Variants in CLASP1 observed in about 807,000 individuals in gnomAD.
The protein encoded by CLASP1 is CLIP-associating protein 1.
Under a neutral mutation model 192.3 loss-of-function variants are expected in CLASP1, and 38 were observed. That is an observed-to-expected ratio of 0.20 (90% CI 0.15 to 0.26). The LOEUF (loss-of-function observed/expected upper bound fraction) is 0.26. Among genes scored for constraint, CLASP1 ranks in the 10% least tolerant of loss-of-function variants. The pLI is 1.00. For synonymous variants in CLASP1, 691 were observed against 712.8 expected, an observed-to-expected ratio of 0.97 and a Z score of 0.49; for missense variants, 1,433 against 1,932.5, an observed-to-expected ratio of 0.74 and a Z score of 4.85.
chr2:121,592,474 A>T lies in CLASP1; in HGVS notation c.195+13227T>A, dbSNP rs1288408921. On this transcript the variant is annotated intron_variant, in intron 2 of 39. Coordinates refer to ENST00000263710, the Ensembl canonical transcript of CLASP1. ...TTCAAAGCAGTTCCTTTTTGTGATA[A>T]CTATCAAAATATTCTATTTTGATAG... 2.6e-5 allele frequency among the ~76,000 whole-genome samples: 4 copies of T among 152,206 alleles called. No individual in the cohort carries two copies. In the South Asian group the frequency reaches 8.3e-4, roughly 31 times the overall value.
At chr2:121,480,761 G>C (rs2092533528) in intron 8 of CLASP1, among the ~76,000 whole-genome samples, 1 of 152,126 alleles carries the variant, frequency 6.6e-6, no homozygotes, top group South Asian at 2.1e-4. Flanking sequence ...ACCTTTGTTT[G>C]CCTCAGTGGA....
At chr2:121,489,440 CAAAT>C (rs888705327) in intron 8 of CLASP1, among the ~76,000 whole-genome samples, 1 of 152,170 alleles carries the variant, frequency 6.6e-6, no homozygotes, top group Non-Finnish European at 1.5e-5. Context: ...CAGCAGGAGA[CAAAT>C]AAACACTTGT....
chr2:121,580,764 C>G (rs1160475838), intron 2 of CLASP1, among the ~76,000 whole-genome samples: 1 of 152,188 alleles, frequency 6.6e-6, no homozygotes, highest in Admixed American at 6.5e-5. Context: ...CAATCATGCA[C>G]ATATTTTTTT....
intron 32 of CLASP1, among the ~76,000 whole-genome samples, chr2:121,386,064 G>A (rs2073115839): frequency 6.6e-6 from 1 of 152,092 alleles, no homozygotes; most frequent in Non-Finnish European, 1.5e-5. Flanking sequence ...TTCACCAAGA[G>A]GAAAACACAA....
intron 2 of CLASP1, among the ~76,000 whole-genome samples, chr2:121,552,578 A>G (rs1005588217): frequency 2.0e-5 from 3 of 152,238 alleles, no homozygotes; most frequent in African/African-American, 7.2e-5. Context: ...GCCAACATGT[A>G]GGCATATGAA....
intron 2 of CLASP1, among the ~76,000 whole-genome samples, chr2:121,541,621 C>T (rs77141966): frequency 0.037 from 5,633 of 152,208 alleles, 157 homozygotes; most frequent in East Asian, 0.14. Flanking sequence ...TAACTTCAAA[C>T]GTCAGCCTCG....
intron 2 of CLASP1, among the ~76,000 whole-genome samples, chr2:121,579,213 T>G (rs192501753): frequency 6.6e-6 from 1 of 152,310 alleles, no homozygotes; most frequent in East Asian, 1.9e-4. Context: ...GGCTTCTCCG[T>G]AATTTACTAT....
intron 2 of CLASP1, among the ~76,000 whole-genome samples, chr2:121,554,741 TGAGTGTTGAC>T (rs1300590874): frequency 1.3e-5 from 2 of 152,214 alleles, no homozygotes; most frequent in African/African-American, 4.8e-5. Flanking sequence ...GGGGTAGAAG[TGAGTGTTGAC>T]TGCAAATGGC....
At chr2:121,524,403 G>C (rs2094526201) in intron 6 of CLASP1, among the ~76,000 whole-genome samples, 1 of 150,888 alleles carries the variant, frequency 6.6e-6, no homozygotes, top group Admixed American at 6.6e-5. Context: ...TGAATATAAA[G>C]TATGATTAAG....
chr2:121,414,703 C>A (rs893154308), intron 23 of CLASP1, among the ~76,000 whole-genome samples: 3 of 152,194 alleles, frequency 2.0e-5, no homozygotes, highest in Admixed American at 2.0e-4. Flanking sequence ...AATAAAATCA[C>A]AGGAAGGGGG....
At position 121,472,773 on chromosome 2, in the gene CLASP1, G is replaced by T. The variant is rs1271562030; in HGVS notation, c.713-2813C>A. The stretch of plus-strand genomic sequence containing the variant: ...AATTCTTAGAGTTTACACAAGTAGG[G>T]AAGCTCCAAACAGCCAAAGTGGAAT... On this transcript the variant is annotated intron_variant, in intron 8 of 39. Coordinates refer to ENST00000263710, the Ensembl canonical transcript of CLASP1. 2.0e-5 allele frequency among the ~76,000 whole-genome samples: 3 copies of T among 152,192 alleles called. No individual in the cohort carries two copies. In the South Asian group the frequency reaches 6.2e-4, roughly 32 times the overall value.
At chr2:121,567,085 CA>C (rs2059574926) in intron 2 of CLASP1, among the ~76,000 whole-genome samples, 1 of 152,246 alleles carries the variant, frequency 6.6e-6, no homozygotes, top group South Asian at 2.1e-4. Flanking sequence ...AGGGGAATTA[CA>C]ACAGCAACTA....
At chr2:121,571,343 T>C (rs1377802323) in intron 2 of CLASP1, among the ~76,000 whole-genome samples, 1 of 151,986 alleles carries the variant, frequency 6.6e-6, no homozygotes, top group African/African-American at 2.4e-5. Flanking sequence ...GCCCAGCTAG[T>C]TTTTTGATTT....
At chr2:121,413,012 C>T (rs1354214239) in intron 23 of CLASP1, among the ~76,000 whole-genome samples, 1 of 152,182 alleles carries the variant, frequency 6.6e-6, no homozygotes, top group East Asian at 1.9e-4. Context: ...AATCCCAGCA[C>T]TCTGGGAGGC....
At chr2:121,605,572 CTGAT>C (rs2064329347) in intron 2 of CLASP1, 125 bp downstream of exon 2, 2 of 640,658 alleles carry the variant, frequency 3.1e-6, no homozygotes, top group Admixed American at 5.7e-5. Context: ...AGGCCACAAT[CTGAT>C]TGAGTGTCTT....
At chr2:121,484,784 A>G (rs77976411) in intron 8 of CLASP1, among the ~76,000 whole-genome samples, 5,633 of 152,304 alleles carry the variant, frequency 0.037, 154 homozygotes, top group East Asian at 0.14. Flanking sequence ...ACTTCAAGAA[A>G]TAACAGCCAA....
exon 30 of CLASP1, chr2:121,397,214 A>G (rs777313795): frequency 6.2e-7 from 1 of 1,613,894 alleles, no homozygotes; most frequent in South Asian, 1.1e-5. Context: ...GTCTCACTAG[A>G]GTTTACAAAA....
intron 2 of CLASP1, among the ~76,000 whole-genome samples, chr2:121,551,579 TG>T (rs1205239947): frequency 3.3e-5 from 5 of 152,126 alleles, no homozygotes; most frequent in African/African-American, 1.2e-4. Flanking sequence ...AGTCAAGTCA[TG>T]AATGAACACC....
At chr2:121,438,353 T>A (rs997925908) in intron 19 of CLASP1, among the ~76,000 whole-genome samples, 2 of 152,026 alleles carry the variant, frequency 1.3e-5, no homozygotes, top group Non-Finnish European at 2.9e-5. Flanking sequence ...TTTTTCCCCC[T>A]CTGTTTAAGG....
Sources: gnomAD v4.1 joint callset for allele counts (sites outside exome capture counted in the v4.1 genomes callset) on GRCh38, gnomAD v4.1.1 for gene constraint, MANE v1.5 for transcripts, NCBI Gene and HGNC (gene_info 2026-07-23, HGNC 2026-07-21) for gene names.